CDH13: variants seen among roughly 807,000 people sequenced by gnomAD.
CDH13 encodes cadherin-13.
CDH13 carries 24 observed loss-of-function variants against 63.8 expected under a neutral mutation model. The ratio of observed to expected loss-of-function variants is 0.38; its 90% CI spans 0.27 to 0.53. CDH13 has a LOEUF of 0.53. Among genes scored for constraint, CDH13 ranks in the 20% least tolerant of loss-of-function variants. CDH13 has a pLI of 0.85. For missense variants in CDH13, 1,049 were observed against 903.1 expected, an observed-to-expected ratio of 1.16 and a Z score of -2.07; for synonymous variants, 503 against 355.3, an observed-to-expected ratio of 1.42 and a Z score of -4.67.
At chr16:83,125,619 G>C (rs2035774467) in intron 4 of CDH13, 118 bp downstream of exon 4, 3 of 584,434 alleles carry the variant, frequency 5.1e-6, no homozygotes, top group Non-Finnish European at 9.2e-6. Flanking sequence ...TCTATGATAA[G>C]AGACCAAATG....
chr16:83,683,876 TCTC>T (rs558631436), intron 10 of CDH13, among the ~76,000 whole-genome samples: 86 of 152,306 alleles, frequency 5.6e-4, no homozygotes, highest in Middle Eastern at 6.8e-3. Flanking sequence ...AGAAAGTCCT[TCTC>T]CTCTCCAAGA....
Position 83,167,944 on chromosome 16 carries a change from A to T in CDH13, c.483+42443A>T, listed in dbSNP as rs377644862. 9.9e-5 allele frequency among the ~76,000 whole-genome samples: 15 copies of T among 152,232 alleles called. No individual in the cohort carries two copies. In the East Asian group the frequency reaches 2.5e-3, roughly 25 times the overall value. ...GCTATTATCCTAAGCGAATTAATGC[A>T]GGAACAGAAAACCAAATACCACATG... On this transcript the variant is annotated intron_variant, in intron 4 of 13. Coordinates refer to ENST00000567109, the MANE Select transcript of CDH13 (RefSeq NM_001257.5).
intron 5 of CDH13, among the ~76,000 whole-genome samples, chr16:83,227,351 A>G (rs1015328614): frequency 1.3e-5 from 2 of 152,186 alleles, no homozygotes; most frequent in Admixed American, 6.5e-5. Flanking sequence ...AGCAGTTGGC[A>G]CATGGTATGG....
At chr16:83,630,721 G>A (rs919227987) in intron 8 of CDH13, among the ~76,000 whole-genome samples, 3 of 152,196 alleles carry the variant, frequency 2.0e-5, no homozygotes, top group Admixed American at 1.3e-4. Flanking sequence ...GAAGATGAGC[G>A]ATCAGTTTAC....
At chr16:83,751,320 C>T (rs2150975977) in intron 11 of CDH13, among the ~76,000 whole-genome samples, 1 of 152,242 alleles carries the variant, frequency 6.6e-6, no homozygotes, top group South Asian at 2.1e-4. Flanking sequence ...GATACACAGG[C>T]ACAGTGGCTC....
intron 6 of CDH13, among the ~76,000 whole-genome samples, chr16:83,360,471 C>G (rs1351725549): frequency 1.4e-5 from 2 of 144,568 alleles, no homozygotes; most frequent in East Asian, 2.0e-4. Flanking sequence ...TAATCTCAAC[C>G]TTTTTTTTTT....
intron 1 of CDH13, among the ~76,000 whole-genome samples, chr16:82,831,790 C>G (rs745360375): frequency 2.0e-5 from 3 of 152,154 alleles, no homozygotes; most frequent in African/African-American, 4.8e-5. Context: ...GTTCAAATGA[C>G]TTGGCCCCTT....
At chr16:83,426,805 C>A in intron 6 of CDH13, among the ~76,000 whole-genome samples, 1 of 150,832 alleles carries the variant, frequency 6.6e-6, no homozygotes, top group South Asian at 2.1e-4. Context: ...CATGACCCAT[C>A]TCTTTTCTCC....
At chr16:83,536,957 G>A (rs1225037026) in intron 7 of CDH13, among the ~76,000 whole-genome samples, 24 of 152,188 alleles carry the variant, frequency 1.6e-4, no homozygotes, top group Admixed American at 1.6e-3. Context: ...TGCCACAGGT[G>A]TTTCATCTTC....
chr16:83,656,204 T>C (rs1208604479), intron 8 of CDH13, among the ~76,000 whole-genome samples: 9 of 152,196 alleles, frequency 5.9e-5, no homozygotes, highest in Admixed American at 5.9e-4. Context: ...TTGTTGCTGA[T>C]GGACTGGATG....
chr16:83,455,093 T>G (rs2072986490), intron 6 of CDH13, among the ~76,000 whole-genome samples: 1 of 152,336 alleles, frequency 6.6e-6, no homozygotes, highest in South Asian at 2.1e-4. Context: ...TCACACTTTC[T>G]AAGTGAAAAT....
At chr16:82,765,060 C>A (rs1391461766) in intron 1 of CDH13, among the ~76,000 whole-genome samples, 1 of 152,142 alleles carries the variant, frequency 6.6e-6, no homozygotes, top group Non-Finnish European at 1.5e-5. Context: ...AGATGATCTG[C>A]CTACCTTGGC....
chr16:83,149,567 C>G (rs541187716), intron 4 of CDH13, among the ~76,000 whole-genome samples: 1 of 152,168 alleles, frequency 6.6e-6, no homozygotes, highest in East Asian at 1.9e-4. Context: ...CCCCCATACC[C>G]TATTCTTTGT....
At chr16:83,775,450 C>T (rs1439489908) in intron 11 of CDH13, among the ~76,000 whole-genome samples, 4 of 149,362 alleles carry the variant, frequency 2.7e-5, no homozygotes, top group Admixed American at 7.5e-5. Context: ...ACAGAAGCCC[C>T]TACAAACTCA....
intron 2 of CDH13, among the ~76,000 whole-genome samples, chr16:82,960,513 T>C (rs1412130789): frequency 6.6e-6 from 1 of 152,168 alleles, no homozygotes; most frequent in Non-Finnish European, 1.5e-5. Flanking sequence ...AAAAGGACTA[T>C]GTCTATAAAT....
intron 6 of CDH13, among the ~76,000 whole-genome samples, chr16:83,479,428 G>A (rs537428557): frequency 3.9e-5 from 6 of 152,094 alleles, no homozygotes; most frequent in Admixed American, 2.0e-4. Context: ...GCACTTTGAC[G>A]GGCAGATCAC....
chr16:82,751,935 C>T (rs907587584), intron 1 of CDH13, among the ~76,000 whole-genome samples: 1 of 152,128 alleles, frequency 6.6e-6, no homozygotes, highest in African/African-American at 2.4e-5. Flanking sequence ...ACTTAACTGA[C>T]GAATTTATCG....
chr16:83,212,663 A>C (rs1424469000), intron 4 of CDH13, among the ~76,000 whole-genome samples: 1 of 152,216 alleles, frequency 6.6e-6, no homozygotes, highest in Non-Finnish European at 1.5e-5. Context: ...GGTGGAAACC[A>C]GCATCAGTGA....
At chr16:82,925,651 G>A (rs1358916707) in intron 2 of CDH13, among the ~76,000 whole-genome samples, 2 of 152,182 alleles carry the variant, frequency 1.3e-5, no homozygotes, top group Non-Finnish European at 2.9e-5. Context: ...CCAACATGTA[G>A]ACATGATATT....
Sources: allele counts gnomAD v4.1 joint callset (sites outside exome capture counted in the v4.1 genomes callset), GRCh38; gene constraint gnomAD v4.1.1; transcripts MANE v1.5; gene names NCBI Gene and HGNC (gene_info 2026-07-23, HGNC 2026-07-21).